Variants in UNC79 observed in about 807,000 individuals in gnomAD.
UNC79 encodes the protein unc-79 subunit of NALCN channel complex, also known as protein unc-79 homolog.
In UNC79, 37 loss-of-function variants were observed where a neutral mutation model predicts 283.1. The observed-to-expected ratio is 0.13, with a 90% CI of 0.10 to 0.17. UNC79 has a LOEUF of 0.17. Ranked by LOEUF, UNC79 falls within the 10% of genes least tolerant of loss-of-function variation. The pLI, the probability that UNC79 is intolerant of heterozygous loss-of-function variation, is 1.00. For synonymous variants in UNC79, 1,107 were observed against 1,200.2 expected, an observed-to-expected ratio of 0.92 and a Z score of 1.61; for missense variants, 2,272 against 3,211.1, an observed-to-expected ratio of 0.71 and a Z score of 7.07.
At chr14:93,497,946 A>C (rs989222356) in intron 7 of UNC79, among the ~76,000 whole-genome samples, 1 of 151,920 alleles carries the variant, frequency 6.6e-6, no homozygotes, top group Non-Finnish European at 1.5e-5. Flanking sequence ...AGATCGCACC[A>C]CTGCTCTCCA....
chr14:93,466,447 A>T (rs1296017032), intron 1 of UNC79, among the ~76,000 whole-genome samples: 2 of 152,242 alleles, frequency 1.3e-5, no homozygotes, highest in Non-Finnish European at 2.9e-5. Flanking sequence ...AGGAAATCTA[A>T]GTACTAGTCT....
At chr14:93,407,552 G>C (rs1239518378) in intron 1 of UNC79, among the ~76,000 whole-genome samples, 1 of 152,078 alleles carries the variant, frequency 6.6e-6, no homozygotes, top group Non-Finnish European at 1.5e-5. Flanking sequence ...AAATACATCT[G>C]TTCTCTCTAA....
intron 28 of UNC79, 34 bp from the exon 30 acceptor site, chr14:93,618,158 C>A: frequency 6.3e-7 from 1 of 1,585,710 alleles, no homozygotes; most frequent in Non-Finnish European, 8.6e-7. Context: ...CTAAAATAAC[C>A]ATTTATCTTT....
chr14:93,510,537 A>G (rs2140850843), intron 7 of UNC79, among the ~76,000 whole-genome samples: 1 of 152,306 alleles, frequency 6.6e-6, no homozygotes, highest in South Asian at 2.1e-4. Flanking sequence ...CTGCTTAGAA[A>G]TTTCTTCTGA....
intron 1 of UNC79, among the ~76,000 whole-genome samples, chr14:93,361,963 T>C (rs1022698371): frequency 1.3e-5 from 2 of 152,230 alleles, no homozygotes; most frequent in African/African-American, 4.8e-5. Context: ...TGTGGTTTTT[T>C]AGTTCTGTTC....
chr14:93,443,864 A>G (rs1307510269), intron 1 of UNC79, among the ~76,000 whole-genome samples: 1 of 152,164 alleles, frequency 6.6e-6, no homozygotes, highest in Non-Finnish European at 1.5e-5. Context: ...TCACCAGTTG[A>G]TAGAAATTTG....
At chr14:93,454,450 A>C (rs1237691970) in intron 1 of UNC79, among the ~76,000 whole-genome samples, 1 of 87,176 alleles carries the variant, frequency 1.1e-5, no homozygotes, top group African/African-American at 3.8e-5. Context: ...TGTATACATA[A>C]TTAGTGTGCT....
chr14:93,516,459 G>T (rs368442556), intron 7 of UNC79, among the ~76,000 whole-genome samples: 16 of 113,282 alleles, frequency 1.4e-4, no homozygotes, highest in East Asian at 2.9e-4. Context: ...TTGGGGGGGG[G>T]GGTGGGGGAT....
intron 26 of UNC79, among the ~76,000 whole-genome samples, chr14:93,610,615 CTTT>C (rs200749234): frequency 2.1e-5 from 3 of 145,006 alleles, no homozygotes; most frequent in Admixed American, 6.9e-5. Flanking sequence ...TTCTTTCTTT[CTTT>C]TTTTTTTTTT....
intron 12 of UNC79, among the ~76,000 whole-genome samples, chr14:93,539,091 C>A (rs1157829950): frequency 1.3e-5 from 2 of 150,426 alleles, no homozygotes; most frequent in South Asian, 4.2e-4. Flanking sequence ...TTAGTAGAGA[C>A]GGGGTTTCAC....
At chr14:93,417,584 G>A (rs1213276874) in intron 1 of UNC79, among the ~76,000 whole-genome samples, 2 of 152,250 alleles carry the variant, frequency 1.3e-5, no homozygotes, top group East Asian at 1.9e-4. Flanking sequence ...GCCAGATTGG[G>A]GAAGTTCTCC....
At chr14:93,407,761 G>T (rs2055256376) in intron 1 of UNC79, among the ~76,000 whole-genome samples, 1 of 152,098 alleles carries the variant, frequency 6.6e-6, no homozygotes, top group African/African-American at 2.4e-5. Flanking sequence ...ATTATAGAAT[G>T]CTTCTCCTCC....
rs958064608 is a variant in UNC79 at position 93,496,351 on chromosome 14, C to T, written c.713-60C>T. On this transcript the variant is annotated intron_variant, in intron 5 of 48. Transcript: ENST00000555664. ...GAAGTAATTTCTTATATATGTATATCAAAGGATGTTTTGTCTGGTATTTAC... is the reference window on the plus strand; with the variant it reads ...GAAGTAATTTCTTATATATGTATATTAAAGGATGTTTTGTCTGGTATTTAC... 31 of 1,125,876 alleles carry T rather than the reference C, an allele frequency of 2.8e-5. No homozygotes were observed. The East Asian group carries it at 7.9e-4, about 29-fold the overall frequency. 69.7% of individuals were successfully genotyped at this position (1,125,876 alleles called of 1,614,324 possible).
At chr14:93,577,918 C>G in exon 18 of UNC79, 1 of 1,614,130 alleles carries the variant, frequency 6.2e-7, no homozygotes, top group Non-Finnish European at 8.5e-7. Context: ...TTCCAGAGTC[C>G]GTTTCGGAGT....
chr14:93,334,417 G>GGTCAA (rs1302044217), intron 1 of UNC79: 1 of 152,076 alleles, frequency 6.6e-6, no homozygotes, highest in Non-Finnish European at 1.5e-5. Flanking sequence ...AGCTGGTAAG[G>GGTCAA]GTCACTTCAG....
chr14:93,574,630 C>G (rs888880236), intron 16 of UNC79, among the ~76,000 whole-genome samples: 3 of 152,084 alleles, frequency 2.0e-5, no homozygotes, highest in Non-Finnish European at 4.4e-5. Context: ...AAATTAATGA[C>G]AGAGAAAGTG....
At chr14:93,334,014 G>A (rs116549037) in intron 1 of UNC79, among the ~76,000 whole-genome samples, 55 of 152,312 alleles carry the variant, frequency 3.6e-4, no homozygotes, top group African/African-American at 1.3e-3. Context: ...TATTGTATTT[G>A]CATTTTCAAT....
chr14:93,529,176 A>T, intron 9 of UNC79, 110 bp from the exon 10 acceptor site: 1 of 1,043,946 alleles, frequency 9.6e-7, no homozygotes, highest in Non-Finnish European at 1.4e-6. Flanking sequence ...TCTTAATTAT[A>T]CTTCCTTTCT....
intron 1 of UNC79, among the ~76,000 whole-genome samples, chr14:93,337,232 G>A (rs763406422): frequency 2.0e-5 from 3 of 152,214 alleles, no homozygotes; most frequent in Non-Finnish European, 4.4e-5. Flanking sequence ...CCCAGACCCA[G>A]CCTAACTCAC....
Sources: allele counts gnomAD v4.1 joint callset (sites outside exome capture counted in the v4.1 genomes callset), GRCh38; gene constraint gnomAD v4.1.1; transcripts MANE v1.5; gene names NCBI Gene and HGNC (gene_info 2026-07-23, HGNC 2026-07-21).